PLCG2: variants seen among roughly 807,000 people sequenced by gnomAD.
PLCG2 encodes the protein phospholipase C gamma 2.
A neutral mutation model predicts 175.6 loss-of-function variants in PLCG2; 69 were observed. That is an observed-to-expected ratio of 0.39 (90% CI 0.32 to 0.48). PLCG2 has a LOEUF of 0.48. Among genes scored for constraint, PLCG2 ranks in the 20% least tolerant of loss-of-function variants. The pLI, the probability that PLCG2 is intolerant of heterozygous loss-of-function variation, is 0.91. For missense variants in PLCG2, 1,798 were observed against 1,650.9 expected, an observed-to-expected ratio of 1.09 and a Z score of -1.54; for synonymous variants, 827 against 624.0, an observed-to-expected ratio of 1.33 and a Z score of -4.85.
chr16:81,899,533 T>C (rs1243069613), intron 13 of PLCG2, among the ~76,000 whole-genome samples: 2 of 152,128 alleles, frequency 1.3e-5, no homozygotes, highest in Non-Finnish European at 2.9e-5. Flanking sequence ...TGCACACGTG[T>C]TCAGCTGAGG....
In PLCG2 at chr16:81,959,969, C is replaced by A. The variant is rs112315567; in HGVS notation, c.*1971C>A. ...GGTTTTTTGCTACCATATCAAAGAACCTGACATATGGCGGCATAGGAAGCA... is the reference window on the plus strand; with the variant it reads ...GGTTTTTTGCTACCATATCAAAGAAACTGACATATGGCGGCATAGGAAGCA... On this transcript the variant is annotated 3_prime_UTR_variant, in exon 33 of 33. Coordinates refer to ENST00000564138, the MANE Select transcript of PLCG2 (RefSeq NM_002661.5). 3,526 of 206,054 alleles carry A rather than the reference C, an allele frequency of 0.017. 143 individuals carry two copies. Among genetic ancestry groups the A allele is most frequent in the African/African-American group, 0.074 (3,257 of 43,878 alleles). 12.8% of individuals were successfully genotyped at this position (206,054 alleles called of 1,614,324 possible).
At chr16:81,880,155 C>T (rs1908007990) in intron 7 of PLCG2, among the ~76,000 whole-genome samples, 1 of 152,140 alleles carries the variant, frequency 6.6e-6, no homozygotes, top group Admixed American at 6.6e-5. Flanking sequence ...ACAGGAAGAT[C>T]ATGTGAGCTC....
intron 2 of PLCG2, among the ~76,000 whole-genome samples, chr16:81,819,304 G>T (rs1292933122): frequency 6.6e-6 from 1 of 152,194 alleles, no homozygotes; most frequent in African/African-American, 2.4e-5. Context: ...ATTCCCAGGT[G>T]TGGAGTGACA....
At chr16:81,796,309 G>A (rs1177332519) in intron 2 of PLCG2, among the ~76,000 whole-genome samples, 1 of 152,246 alleles carries the variant, frequency 6.6e-6, no homozygotes, top group Non-Finnish European at 1.5e-5. Context: ...ATCAGTGACA[G>A]CTTTGGTTTT....
At chr16:81,940,426 G>T (rs1212796927) in intron 30 of PLCG2, among the ~76,000 whole-genome samples, 1 of 152,082 alleles carries the variant, frequency 6.6e-6, no homozygotes, top group East Asian at 1.9e-4. Context: ...GGCAGTGTGA[G>T]AGGGTGGCAA....
At chr16:81,869,067 G>A (rs1236442271) in intron 5 of PLCG2, 147 bp from the exon 6 acceptor site, 5 of 678,908 alleles carry the variant, frequency 7.4e-6, no homozygotes, top group East Asian at 2.5e-5. Context: ...TTGACTCAAT[G>A]TCTTGTTCCC....
chr16:81,789,254 T>G (rs1911118590), intron 2 of PLCG2, among the ~76,000 whole-genome samples: 1 of 152,254 alleles, frequency 6.6e-6, no homozygotes, highest in Non-Finnish European at 1.5e-5. Flanking sequence ...CCCCTTCTGC[T>G]GAGTAATACC....
At chr16:81,863,144 C>G (rs1907064301) in intron 5 of PLCG2, among the ~76,000 whole-genome samples, 1 of 152,184 alleles carries the variant, frequency 6.6e-6, no homozygotes, top group Non-Finnish European at 1.5e-5. Flanking sequence ...CACCATCCAT[C>G]TCCAGAACTT....
intron 2 of PLCG2, among the ~76,000 whole-genome samples, chr16:81,786,764 AACAAATAG>A (rs1910990720): frequency 6.6e-6 from 1 of 152,196 alleles, no homozygotes; most frequent in South Asian, 2.1e-4. Context: ...GACTGTTTTT[AACAAATAG>A]AGTAAAGGCA....
intron 13 of PLCG2, 75 bp downstream of exon 13, chr16:81,896,002 A>C: frequency 6.4e-7 from 1 of 1,556,848 alleles, no homozygotes; most frequent in Non-Finnish European, 8.8e-7. Context: ...ATGGACAGAC[A>C]GGCAAACACA....
At chr16:81,770,388 CAT>C (rs1193881548) in intron 2 of PLCG2, among the ~76,000 whole-genome samples, 8 of 152,220 alleles carry the variant, frequency 5.3e-5, no homozygotes, top group East Asian at 1.9e-4. Context: ...AAGTCAGAGA[CAT>C]GTGAACATAT....
chr16:81,925,893 A>AAAG (rs1555521150), intron 22 of PLCG2, among the ~76,000 whole-genome samples: 1 of 27,812 alleles, frequency 3.6e-5, no homozygotes, highest in Non-Finnish European at 7.3e-5. Flanking sequence ...CTCAAAAAAA[A>AAAG]AAAAAAAAAA....
intron 2 of PLCG2, among the ~76,000 whole-genome samples, chr16:81,853,886 T>G (rs4072681): frequency 0.56 from 84,922 of 151,902 alleles, 24,154 homozygotes; most frequent in Admixed American, 0.68. Flanking sequence ...GAACCCCTGT[T>G]ACCATCCCCA....
intron 7 of PLCG2, among the ~76,000 whole-genome samples, chr16:81,878,457 A>G (rs1301812878): frequency 6.6e-6 from 1 of 152,208 alleles, no homozygotes; most frequent in East Asian, 1.9e-4. Flanking sequence ...CATCCTATAC[A>G]TAATACTAGC....
At chr16:81,957,869 A>G (rs1227942180) in intron 32 of PLCG2, 87 bp from the exon 33 acceptor site, 3 of 1,191,894 alleles carry the variant, frequency 2.5e-6, no homozygotes, top group Admixed American at 1.7e-5. Flanking sequence ...TGACTGGCAA[A>G]TGTACAGAAA....
intron 31 of PLCG2, among the ~76,000 whole-genome samples, chr16:81,948,620 T>G (rs1012912007): frequency 6.6e-5 from 10 of 152,216 alleles, no homozygotes; most frequent in African/African-American, 2.4e-4. Flanking sequence ...GGTCCAGGAC[T>G]GGGAGCTGCA....
At chr16:81,783,475 A>C (rs558526005) in intron 1 of PLCG2, among the ~76,000 whole-genome samples, 1 of 152,302 alleles carries the variant, frequency 6.6e-6, no homozygotes, top group Admixed American at 6.5e-5. Context: ...GAGAGTGGCA[A>C]GTACTGGCAA....
intron 7 of PLCG2, among the ~76,000 whole-genome samples, chr16:81,875,311 C>T (rs955939210): frequency 3.3e-5 from 5 of 152,022 alleles, no homozygotes; most frequent in Non-Finnish European, 7.4e-5. Flanking sequence ...GAGGCCTGTG[C>T]AAGAGCTACT....
chr16:81,948,688 G>A (rs1387027597), intron 31 of PLCG2, among the ~76,000 whole-genome samples: 1 of 152,146 alleles, frequency 6.6e-6, no homozygotes, highest in African/African-American at 2.4e-5. Flanking sequence ...TTACACCTGG[G>A]GAGACCTGGA....
Sources: gnomAD v4.1 joint callset for allele counts (sites outside exome capture counted in the v4.1 genomes callset) on GRCh38, gnomAD v4.1.1 for gene constraint, MANE v1.5 for transcripts, NCBI Gene and HGNC (gene_info 2026-07-23, HGNC 2026-07-21) for gene names.